Variants in POLQ observed in about 807,000 individuals in gnomAD.
POLQ encodes the protein DNA polymerase theta.
Under a neutral mutation model 259.2 loss-of-function variants are expected in POLQ, and 233 were observed. The ratio of observed to expected loss-of-function variants is 0.90; its 90% CI spans 0.81 to 1.00. POLQ has a LOEUF of 1.00. Ranked by LOEUF, POLQ falls within the 50% of genes least tolerant of loss-of-function variation. The pLI is 0.00. For missense variants in POLQ, 2,871 were observed against 3,051.6 expected (o/e 0.94, Z 1.39); for synonymous variants, 1,025 against 1,048.8 (o/e 0.98, Z 0.44).
intron 7 of POLQ, among the ~76,000 whole-genome samples, chr3:121,522,603 G>A (rs992529753): frequency 1.1e-4 from 17 of 151,998 alleles, no homozygotes; most frequent in Non-Finnish European, 8.8e-5. Context: ...GAGCCACCGC[G>A]CCCGGCTGGA....
chr3:121,482,220 C>T (rs1048570695), intron 18 of POLQ, among the ~76,000 whole-genome samples: 1 of 152,082 alleles, frequency 6.6e-6, no homozygotes, highest in Non-Finnish European at 1.5e-5. Context: ...GTTCTTTCAT[C>T]ATCAAAAGAA....
intron 10 of POLQ, 117 bp from the exon 11 acceptor site, chr3:121,510,360 G>A (rs1193286945): frequency 1.1e-5 from 7 of 659,604 alleles, no homozygotes; most frequent in South Asian, 9.0e-5. Context: ...GGCGGATCAC[G>A]AGGTCTGGAG....
At chr3:121,509,897 A>G in intron 11 of POLQ, 142 bp downstream of exon 11, 1 of 823,074 alleles carries the variant, frequency 1.2e-6, no homozygotes. Flanking sequence ...ATACTGATTT[A>G]CTAAAAATGA....
chr3:121,513,296 G>T (rs941995796), intron 9 of POLQ, among the ~76,000 whole-genome samples: 1 of 151,916 alleles, frequency 6.6e-6, no homozygotes, highest in African/African-American at 2.4e-5. Context: ...TGATTATAAA[G>T]ATAGGCACCA....
At chr3:121,517,914 T>C (rs1049261561) in intron 9 of POLQ, among the ~76,000 whole-genome samples, 2 of 152,234 alleles carry the variant, frequency 1.3e-5, no homozygotes, top group African/African-American at 4.8e-5. Context: ...TAAACACTTA[T>C]TGTATTGGTT....
At chr3:121,470,008 T>C (rs1258954280) in intron 22 of POLQ, among the ~76,000 whole-genome samples, 2 of 152,152 alleles carry the variant, frequency 1.3e-5, no homozygotes, top group East Asian at 1.9e-4. Context: ...TGCAACACCA[T>C]TGAAAATTCT....
At chr3:121,492,801 A>ATTTT (rs35516373) in intron 15 of POLQ, among the ~76,000 whole-genome samples, 17 of 124,836 alleles carry the variant, frequency 1.4e-4, no homozygotes, top group Admixed American at 6.8e-4. Flanking sequence ...ATGCCCAGCT[A>ATTTT]TTTTTTTTTT....
At chr3:121,466,743 T>C (rs1390058055) in intron 24 of POLQ, among the ~76,000 whole-genome samples, 1 of 151,708 alleles carries the variant, frequency 6.6e-6, no homozygotes, top group Non-Finnish European at 1.5e-5. Flanking sequence ...GGGGACTCCC[T>C]TGGATAACTT....
Position 121,529,678 on chromosome 3 carries a change from G to T in POLQ, c.1075C>A (p.Arg359=). The T allele has an allele frequency of 6.2e-7, 1 of 1,613,366 alleles. No individual in the cohort carries two copies. Among genetic ancestry groups the T allele is most frequent in the South Asian group, 1.1e-5 (1 of 91,030 alleles). The change falls in exon 7 of 30, where the codon CGA becomes AGA. Residue 359 remains arginine, a synonymous_variant. Coordinates refer to ENST00000264233, the MANE Select transcript of POLQ (RefSeq NM_199420.4). ...TGATGATGTAGATTATAAAACTCTC[G>T]AGCAATGATATCTGCCAGCTTCTCA... ...WCEKLADIIA[R]EFYNLHHQAE... is the part of the protein sequence containing the mutation.
rs1405634108 is a variant in POLQ, at chr3:121,490,554, T to G, written c.2523-146A>C. On this transcript the variant is annotated intron_variant, in intron 15 of 29. Transcript: ENST00000264233. Reference sequence around the variant, plus strand: ...AAATGTATCTGCTCTCATGGCACATTCTAGCTGGGGAATTCAGAAAATAAA... The same window carrying G: ...AAATGTATCTGCTCTCATGGCACATGCTAGCTGGGGAATTCAGAAAATAAA... 1.1e-5 allele frequency: 7 copies of G among 666,554 alleles called. No homozygotes were observed. In the East Asian group the frequency reaches 1.3e-4, roughly 13 times the overall value. The allele number at this position is 666,554 out of a possible 1,614,324, so 41.3% of individuals were successfully genotyped here. A position where few individuals can be genotyped will look rare whatever the true frequency, so the allele number is the denominator to read the frequency against.
intron 9 of POLQ, among the ~76,000 whole-genome samples, chr3:121,518,378 C>T (rs986005331): frequency 6.6e-6 from 1 of 152,072 alleles, no homozygotes; most frequent in Non-Finnish European, 1.5e-5. Flanking sequence ...CTAACTAGCC[C>T]ATTAAAAAGA....
intron 22 of POLQ, among the ~76,000 whole-genome samples, chr3:121,469,549 C>A (rs1397967727): frequency 6.6e-6 from 1 of 152,136 alleles, no homozygotes; most frequent in Non-Finnish European, 1.5e-5. Context: ...TAACCTTTAA[C>A]ATAATTGTTG....
chr3:121,476,760 T>G (rs771122444), intron 19 of POLQ, 27 bp from the exon 20 acceptor site: 15 of 1,518,944 alleles, frequency 9.9e-6, no homozygotes, highest in Non-Finnish European at 9.0e-6. Context: ...AATTAAAACG[T>G]TAATTCATTG....
At position 121,488,174 on chromosome 3, in the gene POLQ, A is replaced by G. The variant is rs1242241093; in HGVS notation, c.4757T>C (p.Val1586Ala). 1.1e-5 allele frequency: 18 copies of G among 1,613,440 alleles called. No homozygotes were observed. The highest frequency in any genetic ancestry group is 1.4e-5 in the Non-Finnish European group (17 of 1,179,718). Residue 1586 changes from valine to alanine, a missense_variant, in exon 16 of 30, where the codon GTA (valine) becomes GCA (alanine). Physicochemically the swap from Val to Ala is moderately conservative, Grantham distance 64. This residue lies in a region of POLQ where 2,080 missense variants were observed against 2,126.0 expected (regional missense o/e 0.98). Coordinates refer to ENST00000264233, the MANE Select transcript of POLQ (RefSeq NM_199420.4). ...ACTTAGTTCTAATGCTCTAGGAGAT[A>G]CTACAGTATGATTCTTCTCTTGGAC... ...FPVQEKNHTV[V>A]SPRALELSDP...
chr3:121,438,366 C>T (rs961336175), intron 27 of POLQ, among the ~76,000 whole-genome samples: 5 of 152,120 alleles, frequency 3.3e-5, no homozygotes, highest in African/African-American at 1.2e-4. Context: ...ATATTAATAA[C>T]TACATATTCC....
intron 6 of POLQ, 111 bp downstream of exon 6, chr3:121,532,879 T>C (rs1553823881): frequency 1.4e-6 from 1 of 712,594 alleles, no homozygotes; most frequent in Non-Finnish European, 2.4e-6. Flanking sequence ...ATATTAATCC[T>C]AATGTATATG....
chr3:121,455,380 A>C (rs569563287), intron 25 of POLQ, among the ~76,000 whole-genome samples: 1 of 146,930 alleles, frequency 6.8e-6, no homozygotes, highest in Admixed American at 6.8e-5. Flanking sequence ...AATAACTAAA[A>C]TCAGAGCAGA....
intron 2 of POLQ, among the ~76,000 whole-genome samples, chr3:121,544,223 C>T (rs2048512076): frequency 6.6e-6 from 1 of 151,340 alleles, no homozygotes; most frequent in Non-Finnish European, 1.5e-5. Context: ...CCTGGTGGCG[C>T]ACACCTGTAA....
In POLQ at chr3:121,480,138, C is replaced by T. The variant is rs572257337; in HGVS notation, c.6211+1434G>A. Reference sequence around the variant, plus strand: ...AAAAATATATAGGTTGGGAATGTCACAGTGGAGTAATAAAAAGAAAAAAAA... The same window carrying T: ...AAAAATATATAGGTTGGGAATGTCATAGTGGAGTAATAAAAAGAAAAAAAA... On this transcript the variant is annotated intron_variant, in intron 19 of 29. Transcript: ENST00000264233. Among the ~76,000 whole-genome samples, 235 of 150,364 alleles carry T rather than the reference C, an allele frequency of 1.6e-3. 1 individual carries two copies. Among genetic ancestry groups the T allele is most frequent in the African/African-American group, 5.6e-3 (229 of 41,006 alleles).
Sources: allele counts gnomAD v4.1 joint callset (sites outside exome capture counted in the v4.1 genomes callset), GRCh38; gene constraint gnomAD v4.1.1; regional missense constraint gnomAD v4.1.1; transcripts MANE v1.5; gene names NCBI Gene and HGNC (gene_info 2026-07-23, HGNC 2026-07-21).